Variants in PPP1R16B observed in about 807,000 individuals in gnomAD.
PPP1R16B encodes the protein protein phosphatase 1 regulatory subunit 16B, also known as protein phosphatase 1 regulatory inhibitor subunit 16B.
In PPP1R16B, 14 loss-of-function variants were observed where a neutral mutation model predicts 61.7. The observed-to-expected ratio is 0.23, with a 90% CI of 0.15 to 0.35. The LOEUF (loss-of-function observed/expected upper bound fraction) is 0.35, where lower values mean the gene tolerates loss of function less well. PPP1R16B is among the 10% of genes least tolerant of loss of function. PPP1R16B has a pLI of 1.00. For missense variants in PPP1R16B, 547 were observed against 752.5 expected, an observed-to-expected ratio of 0.73 and a Z score of 3.19; for synonymous variants, 266 against 305.3, an observed-to-expected ratio of 0.87 and a Z score of 1.34.
intron 4 of PPP1R16B, 40 bp from the exon 5 acceptor site, chr20:38,900,540 GC>G: frequency 2.6e-6 from 4 of 1,552,126 alleles, no homozygotes; most frequent in Non-Finnish European, 3.5e-6. Flanking sequence ...ACCAACCCTA[GC>G]CACACCTACT....
At chr20:38,823,637 A>C (rs2145711137) in intron 1 of PPP1R16B, among the ~76,000 whole-genome samples, 1 of 145,380 alleles carries the variant, frequency 6.9e-6, no homozygotes, top group East Asian at 2.0e-4. Context: ...ACTTTGTCTC[A>C]AAAAAAAAAA....
chr20:38,902,049 C>T (rs892813048), intron 5 of PPP1R16B, among the ~76,000 whole-genome samples: 8 of 152,158 alleles, frequency 5.3e-5, no homozygotes, highest in East Asian at 1.9e-4. Context: ...GATCTTTTTA[C>T]GGAGCATGTC....
At chr20:38,911,902 A>C (rs1601315519) in intron 10 of PPP1R16B, among the ~76,000 whole-genome samples, 1 of 151,948 alleles carries the variant, frequency 6.6e-6, no homozygotes, top group South Asian at 2.1e-4. Context: ...AGCTCCTATA[A>C]ACATTTTTGT....
intron 1 of PPP1R16B, among the ~76,000 whole-genome samples, chr20:38,822,398 GC>G (rs1266764200): frequency 1.3e-5 from 2 of 151,762 alleles, no homozygotes; most frequent in African/African-American, 4.8e-5. Context: ...CAAATAAAAA[GC>G]CATTAAAAAC....
chr20:38,820,333 C>T (rs1281778784), intron 1 of PPP1R16B, among the ~76,000 whole-genome samples: 2 of 152,162 alleles, frequency 1.3e-5, no homozygotes, highest in East Asian at 1.9e-4. Context: ...CCGAGGCGAG[C>T]GGATCACCTC....
intron 2 of PPP1R16B, among the ~76,000 whole-genome samples, chr20:38,873,258 C>T (rs1474240039): frequency 6.6e-6 from 1 of 152,094 alleles, no homozygotes; most frequent in African/African-American, 2.4e-5. Context: ...CCCTGGTTAA[C>T]GGAAACTTGA....
Position 38,907,071 on chromosome 20 carries a change from A to T in PPP1R16B, c.898+17A>T, listed in dbSNP as rs537653759. The T allele has an allele frequency of 6.9e-6, 11 of 1,593,156 alleles. No individual in the cohort carries two copies. In the South Asian group the frequency reaches 1.2e-4, roughly 18 times the overall value. ...TGCCAATAGGTAAGTCCAGCACAAT[A>T]GCTGGTGTGCACAAATAGGCAGTTA... On this transcript the variant is annotated intron_variant, in intron 8 of 10. Coordinates refer to ENST00000299824, the MANE Select transcript of PPP1R16B (RefSeq NM_015568.4). This position sits in a 1 kb window ranked among gnomAD's most constrained non-coding sequence, Gnocchi z 4.5.
intron 1 of PPP1R16B, among the ~76,000 whole-genome samples, chr20:38,826,364 T>C (rs2084805269): frequency 6.6e-6 from 1 of 152,224 alleles, no homozygotes; most frequent in South Asian, 2.1e-4. Context: ...GTAGACATCA[T>C]GTTAGCTTTG....
intron 1 of PPP1R16B, among the ~76,000 whole-genome samples, chr20:38,809,842 A>G (rs1310974730): frequency 6.6e-6 from 1 of 152,062 alleles, no homozygotes; most frequent in Non-Finnish European, 1.5e-5. Flanking sequence ...TTAGCCAGGC[A>G]TGGTGGTGTG....
chr20:38,833,809 G>T (rs972218529), intron 1 of PPP1R16B, among the ~76,000 whole-genome samples: 1 of 152,178 alleles, frequency 6.6e-6, no homozygotes, highest in African/African-American at 2.4e-5. Flanking sequence ...TCCAGTCTCC[G>T]AGCTGGGAGA....
intron 10 of PPP1R16B, among the ~76,000 whole-genome samples, chr20:38,917,291 G>A (rs749939591): frequency 1.8e-3 from 239 of 135,544 alleles, no homozygotes; most frequent in Middle Eastern, 4.2e-3. Context: ...GCAAGACTCC[G>A]TCTCAAAAAA....
intron 2 of PPP1R16B, among the ~76,000 whole-genome samples, chr20:38,858,868 G>C (rs780496590): frequency 1.3e-5 from 2 of 152,194 alleles, no homozygotes; most frequent in Non-Finnish European, 2.9e-5. Context: ...AGCCCAGAGG[G>C]GAAAATTTGT....
At chr20:38,877,965 T>G (rs897429773) in intron 2 of PPP1R16B, among the ~76,000 whole-genome samples, 1 of 148,514 alleles carries the variant, frequency 6.7e-6, no homozygotes, top group East Asian at 2.0e-4. Context: ...TTTTTTTTTT[T>G]TTTTTTTTTT....
chr20:38,836,211 C>T (rs2084871160), intron 2 of PPP1R16B, 36 bp downstream of exon 2: 1 of 1,584,960 alleles, frequency 6.3e-7, no homozygotes, highest in Non-Finnish European at 8.6e-7. Context: ...CACGCAGCTG[C>T]CTTGGCCTCT....
At chr20:38,868,458 C>T in intron 2 of PPP1R16B, among the ~76,000 whole-genome samples, 1 of 151,644 alleles carries the variant, frequency 6.6e-6, no homozygotes, top group East Asian at 1.9e-4. Context: ...GATCTCAGCT[C>T]ACTGCAATCT....
chr20:38,872,424 TG>T (rs1393290147), intron 2 of PPP1R16B, among the ~76,000 whole-genome samples: 1 of 152,070 alleles, frequency 6.6e-6, no homozygotes, highest in Non-Finnish European at 1.5e-5. Context: ...AGAGAGGAGT[TG>T]GGCATTTCTA....
chr20:38,808,081 T>C (rs1228885491), intron 1 of PPP1R16B, among the ~76,000 whole-genome samples: 3 of 152,216 alleles, frequency 2.0e-5, no homozygotes, highest in Non-Finnish European at 4.4e-5. Flanking sequence ...GGTTTTTCCT[T>C]AAAGCCAGAA....
At chr20:38,884,051 A>G (rs2085223592) in intron 2 of PPP1R16B, among the ~76,000 whole-genome samples, 1 of 152,100 alleles carries the variant, frequency 6.6e-6, no homozygotes, top group Admixed American at 6.5e-5. Context: ...CAACTGAGAG[A>G]AGGTGTGGAC....
intron 2 of PPP1R16B, among the ~76,000 whole-genome samples, chr20:38,858,684 G>A (rs902791842): frequency 1.3e-5 from 2 of 152,202 alleles, no homozygotes; most frequent in African/African-American, 4.8e-5. Context: ...CAGTGGGCTT[G>A]TTTACCAAAT....
Sources: allele counts gnomAD v4.1 joint callset (sites outside exome capture counted in the v4.1 genomes callset), GRCh38; gene constraint gnomAD v4.1.1; non-coding constraint Gnocchi (gnomAD v3.1); transcripts MANE v1.5; gene names NCBI Gene and HGNC (gene_info 2026-07-23, HGNC 2026-07-21).